The following PFKFB3 variants were observed in gnomAD, a reference collection of about 807,000 sequenced individuals.
PFKFB3 encodes 6-phosphofructo-2-kinase/fructose-2,6-biphosphatase 3.
Under a neutral mutation model 68.0 loss-of-function variants are expected in PFKFB3, and 33 were observed. The observed-to-expected ratio is 0.49, with a 90% CI of 0.37 to 0.65. The LOEUF (loss-of-function observed/expected upper bound fraction) is 0.65, where lower values mean the gene tolerates loss of function less well. Among genes scored for constraint, PFKFB3 ranks in the 30% least tolerant of loss-of-function variants. The probability of loss-of-function intolerance (pLI) is 0.00; values close to 1 mark genes in which losing one functional copy is unlikely to be tolerated. For synonymous variants in PFKFB3, 315 were observed against 288.2 expected (o/e 1.09, Z -0.94); for missense variants, 586 against 712.2 (o/e 0.82, Z 2.02).
chr10:6,210,050 C>CACCCCTCT (rs1262646958), intron 1 of PFKFB3, among the ~76,000 whole-genome samples: 2 of 69,604 alleles, frequency 2.9e-5, no homozygotes, highest in Non-Finnish European at 9.0e-5. Flanking sequence ...CCGTGCCCGG[C>CACCCCTCT]CTAATACTTA....
intron 14 of PFKFB3, among the ~76,000 whole-genome samples, chr10:6,227,090 A>C (rs1158849263): frequency 1.3e-5 from 2 of 152,142 alleles, no homozygotes; most frequent in Non-Finnish European, 2.9e-5. Context: ...CGTCTCAAAA[A>C]AAAAAAGCAA....
chr10:6,254,226 C>G lies in PFKFB3; in HGVS notation c.1564C>G (p.Pro522Ala), dbSNP rs1383264771. Residue 522 changes from proline (P) to alanine (A), a missense_variant, in exon 15 of 15, where the codon CCC (proline) becomes GCC (alanine). Coordinates refer to the PFKFB3 transcript ENST00000640683. ...AAGGGACCCTGAGCCACCAGTCCAG[C>G]CCCCTGAAGGGCAGAGCATTCTCTG... is the stretch of plus-strand genomic sequence containing the variant. 3 of 398,396 alleles carry G rather than the reference C, an allele frequency of 7.5e-6. No individual in the cohort carries two copies. In the East Asian group the frequency reaches 1.1e-4, roughly 14 times the overall value. 24.7% of individuals were successfully genotyped at this position (398,396 alleles called of 1,614,324 possible). A position where few individuals can be genotyped will look rare whatever the true frequency, so the allele number is the denominator to read the frequency against.
chr10:6,237,681 T>A (rs1051877806), downstream of PFKFB3, among the ~76,000 whole-genome samples: 2 of 152,130 alleles, frequency 1.3e-5, no homozygotes, highest in African/African-American at 4.8e-5. Context: ...TCCTCCCACC[T>A]CTGCCTCCCG....
chr10:6,166,821 CTTTTTTTT>C (rs144747290), intron 1 of PFKFB3, among the ~76,000 whole-genome samples: 15 of 95,274 alleles, frequency 1.6e-4, no homozygotes, highest in South Asian at 4.0e-4. Flanking sequence ...CCTTCTTCTT[CTTTTTTTT>C]TTTTTTTTTT....
chr10:6,257,336 C>A (rs1355886486), downstream of PFKFB3, among the ~76,000 whole-genome samples: 2 of 152,186 alleles, frequency 1.3e-5, no homozygotes, highest in Non-Finnish European at 2.9e-5. Flanking sequence ...GTTGTGTGGG[C>A]TGAACTTTTT....
chr10:6,225,048 T>TGG (rs1564639157), intron 13 of PFKFB3: 3 of 449,748 alleles, frequency 6.7e-6, no homozygotes, highest in Non-Finnish European at 1.3e-5. Flanking sequence ...CTGTCTACCT[T>TGG]GGGGGGAGGC....
At chr10:6,283,142 A>G in the PFKFB3 span, among the ~76,000 whole-genome samples, 1 of 151,912 alleles carries the variant, frequency 6.6e-6, no homozygotes, top group African/African-American at 2.4e-5. Context: ...ATTTTTTTGT[A>G]TTTTTGGTAG....
At chr10:6,245,560 G>A (rs1846239178) in intron 14 of PFKFB3, among the ~76,000 whole-genome samples, 1 of 152,006 alleles carries the variant, frequency 6.6e-6, no homozygotes, top group Non-Finnish European at 1.5e-5. Flanking sequence ...GGGACTATAG[G>A]TGTGCACCAC....
chr10:6,257,155 G>A (rs889161960), downstream of PFKFB3, among the ~76,000 whole-genome samples: 4 of 152,160 alleles, frequency 2.6e-5, no homozygotes, highest in Non-Finnish European at 4.4e-5. Flanking sequence ...GGCCATCCGA[G>A]GAGTTGGGAA....
chr10:6,201,455 G>A (rs1300548815), upstream of PFKFB3, among the ~76,000 whole-genome samples: 1 of 147,868 alleles, frequency 6.8e-6, no homozygotes, highest in African/African-American at 2.5e-5. This position sits in a 1 kb window ranked among gnomAD's most constrained non-coding sequence, Gnocchi z 4.1. Flanking sequence ...AGGCGGGAGG[G>A]GGAGTGGGGG....
the PFKFB3 span, among the ~76,000 whole-genome samples, chr10:6,281,679 A>T: frequency 7.2e-5 from 11 of 152,010 alleles, no homozygotes; most frequent in African/African-American, 1.7e-4. Context: ...TGCTTTTTTT[A>T]AAAAAAGTTA....
intron 14 of PFKFB3, among the ~76,000 whole-genome samples, chr10:6,253,776 T>C (rs1273472495): frequency 6.6e-6 from 1 of 152,132 alleles, no homozygotes; most frequent in African/African-American, 2.4e-5. Flanking sequence ...GCACGGTGGC[T>C]CACGCCTGTA....
intron 14 of PFKFB3, among the ~76,000 whole-genome samples, chr10:6,243,233 A>C (rs1846179915): frequency 6.6e-6 from 1 of 152,160 alleles, no homozygotes; most frequent in Non-Finnish European, 1.5e-5. Context: ...CCCTTTAACA[A>C]CCATGTTGTA....
rs1845498676 is a variant in PFKFB3, at chr10:6,228,395, A to G, written c.1515+2030A>G. The G allele has an allele frequency of 4.2e-6, 3 of 711,822 alleles. No homozygotes were observed. Among genetic ancestry groups the G allele is most frequent in the Admixed American group, 2.1e-5 (1 of 47,808 alleles). 44.1% of individuals were successfully genotyped at this position (711,822 alleles called of 1,614,324 possible). On this transcript the variant is annotated intron_variant, in intron 14 of 14. Transcript: ENST00000379775. The surrounding 1 kb of genome is among the most constrained non-coding windows in gnomAD (Gnocchi z 4.5). ...AGGAGAGATTCCTGAATGTTTTTGG[A>G]AAAGCGTGCAGGCGGTCATGGTGGC...
chr10:6,195,385 C>G (rs543947378), intron 1 of PFKFB3, among the ~76,000 whole-genome samples: 1 of 152,094 alleles, frequency 6.6e-6, no homozygotes, highest in Admixed American at 6.6e-5. Context: ...TGGGTCTGCA[C>G]AATACTGAGG....
chr10:6,224,330 AT>A, intron 13 of PFKFB3, 117 bp downstream of exon 13: 3 of 932,148 alleles, frequency 3.2e-6, no homozygotes, highest in Non-Finnish European at 5.1e-6. Context: ...GTCTGGGGCC[AT>A]GGGCCTGCTG....
chr10:6,151,134 C>G (rs1279913930), intron 1 of PFKFB3, among the ~76,000 whole-genome samples: 1 of 152,146 alleles, frequency 6.6e-6, no homozygotes, highest in African/African-American at 2.4e-5. Flanking sequence ...GAGCCCCAGT[C>G]TGTGGAACAC....
At chr10:6,319,246 A>T in the PFKFB3 span, among the ~76,000 whole-genome samples, 1 of 152,242 alleles carries the variant, frequency 6.6e-6, no homozygotes, top group Admixed American at 6.5e-5. Flanking sequence ...AATAGCAAAG[A>T]TAAGAAATTA....
chr10:6,205,642 C>T (rs1843632537), intron 1 of PFKFB3, among the ~76,000 whole-genome samples: 1 of 152,118 alleles, frequency 6.6e-6, no homozygotes. Context: ...ATCCGCCCAC[C>T]TCAGCCTCCC....
Sources: gnomAD v4.1 joint callset for allele counts (sites outside exome capture counted in the v4.1 genomes callset) on GRCh38, gnomAD v4.1.1 for gene constraint, Gnocchi (gnomAD v3.1) non-coding constraint, MANE v1.5 for transcripts, NCBI Gene and HGNC (gene_info 2026-07-23, HGNC 2026-07-21) for gene names.